Variants in WDFY3 observed in about 807,000 individuals in gnomAD.
The protein encoded by WDFY3 is WD repeat and FYVE domain-containing protein 3.
A neutral mutation model predicts 409.6 loss-of-function variants in WDFY3; 66 were observed. The observed-to-expected ratio is 0.16, with a 90% CI of 0.13 to 0.20. The LOEUF (loss-of-function observed/expected upper bound fraction) is 0.20, where lower values mean the gene tolerates loss of function less well. Ranked by LOEUF, WDFY3 falls within the 10% of genes least tolerant of loss-of-function variation. The pLI is 1.00. For synonymous variants in WDFY3, 1,521 were observed against 1,537.1 expected (o/e 0.99, Z 0.25); for missense variants, 3,031 against 4,298.1 (o/e 0.71, Z 8.24).
chr4:84,690,290 A>G (rs1319415948), intron 61 of WDFY3, among the ~76,000 whole-genome samples: 1 of 152,176 alleles, frequency 6.6e-6, no homozygotes, highest in Non-Finnish European at 1.5e-5. Context: ...CTTTCTTCAG[A>G]TTTTAACAAA....
intron 62 of WDFY3, among the ~76,000 whole-genome samples, chr4:84,687,086 C>A (rs1728452619): frequency 6.6e-6 from 1 of 152,100 alleles, no homozygotes; most frequent in African/African-American, 2.4e-5. Context: ...CAAATGTCAC[C>A]CTTTTTACTT....
intron 8 of WDFY3, among the ~76,000 whole-genome samples, chr4:84,829,693 G>C (rs543815730): frequency 1.6e-4 from 25 of 152,028 alleles, no homozygotes; most frequent in African/African-American, 6.0e-4. Flanking sequence ...TGTAGTCCCA[G>C]CTACTCGGGA....
At chr4:84,736,418 C>T in intron 41 of WDFY3, 91 bp from the exon 42 acceptor site, 1 of 1,179,914 alleles carries the variant, frequency 8.5e-7, no homozygotes, top group South Asian at 2.2e-5. Context: ...AACTACAACC[C>T]TGTAGTTAAC....
intron 5 of WDFY3, among the ~76,000 whole-genome samples, chr4:84,846,533 T>C (rs1560910834): frequency 1.3e-5 from 2 of 150,582 alleles, no homozygotes; most frequent in African/African-American, 4.9e-5. Flanking sequence ...TCTACAAACA[T>C]GCAGATTAGG....
chr4:84,889,663 C>G (rs1435011881), intron 3 of WDFY3, among the ~76,000 whole-genome samples: 1 of 152,088 alleles, frequency 6.6e-6, no homozygotes, highest in Non-Finnish European at 1.5e-5. Context: ...ATCTATGTGA[C>G]GTCAGGAAAA....
At chr4:84,811,407 C>A (rs1752471074) in intron 13 of WDFY3, among the ~76,000 whole-genome samples, 3 of 152,190 alleles carry the variant, frequency 2.0e-5, no homozygotes. Context: ...TTAATCCTTT[C>A]AACAATCCTA....
chr4:84,965,466 T>C (rs1579323311), intron 1 of WDFY3, among the ~76,000 whole-genome samples: 1 of 152,310 alleles, frequency 6.6e-6, no homozygotes, highest in East Asian at 1.9e-4. Flanking sequence ...GAAGACCTGA[T>C]ATTGCAGATC....
intron 4 of WDFY3, among the ~76,000 whole-genome samples, chr4:84,856,911 G>C (rs1162515914): frequency 6.6e-6 from 1 of 152,008 alleles, no homozygotes; most frequent in Non-Finnish European, 1.5e-5. Context: ...CAATGTTCAA[G>C]CACAAACGGC....
At chr4:84,825,306 T>C (rs958199722) in intron 10 of WDFY3, among the ~76,000 whole-genome samples, 4 of 151,498 alleles carry the variant, frequency 2.6e-5, no homozygotes, top group Non-Finnish European at 5.9e-5. Flanking sequence ...GATTTAACTG[T>C]AGAATGATCA....
rs374429118 is a variant in WDFY3, at chr4:84,775,047, G to A, written c.4592+18C>T. ...TTTCTATAGCTGAATAATTAACTAC[G>A]TGGGTATTAATTAATACCTGGACTC... On this transcript the variant is annotated intron_variant, in intron 28 of 67. Coordinates refer to ENST00000295888, the MANE Select transcript of WDFY3 (RefSeq NM_014991.6). 5 of 1,612,038 alleles carry A rather than the reference G, an allele frequency of 3.1e-6. No homozygotes were observed. In the African/African-American group the frequency reaches 4.0e-5, roughly 13 times the overall value.
rs113221531 is a variant in WDFY3, at chr4:84,775,090, A to C, written c.4567T>G (p.Phe1523Val). 4 of 1,613,776 alleles carry C rather than the reference A, an allele frequency of 2.5e-6. No homozygotes were observed. The highest frequency in any genetic ancestry group is 2.2e-5 in the East Asian group (1 of 44,848). ...YELHLSLFEH[F>V]IELLTESSEA... is the part of the protein sequence containing the mutation. ...CTGGACTCTGTGAGCAGTTCAATAAAGTGTTCAAATAAGGAAAGATGAAGT... is the reference window on the plus strand; with the variant it reads ...CTGGACTCTGTGAGCAGTTCAATAACGTGTTCAAATAAGGAAAGATGAAGT... The change falls in exon 28 of 68, where the codon TTT becomes GTT. Residue 1523 changes from phenylalanine to valine, a missense_variant. Transcript: ENST00000295888.
In WDFY3 at chr4:84,821,404, T is replaced by A; in HGVS notation, c.1271A>T (p.Gln424Leu). The A allele has an allele frequency of 6.2e-7, 1 of 1,613,956 alleles. No homozygotes were observed. The highest frequency in any genetic ancestry group is 8.5e-7 in the Non-Finnish European group (1 of 1,179,894). Residue 424 changes from glutamine to leucine, a missense_variant, in exon 11 of 68, where the codon CAG becomes CTG. Around this residue, in one of 16 missense-constraint regions of WDFY3, gnomAD observed 1,322 missense variants for 1,697.9 expected, o/e 0.78. Transcript: ENST00000295888. ...DNANYFILES[Q>L]HTLSQFAEKI... Reference sequence around the variant, plus strand: ...CTCTGCAAACTGTGACAATGTGTGCTGTGACTCTAGGATGAAGTAATTGGC... The same window carrying A: ...CTCTGCAAACTGTGACAATGTGTGCAGTGACTCTAGGATGAAGTAATTGGC...
intron 60 of WDFY3, among the ~76,000 whole-genome samples, chr4:84,690,881 A>G (rs976780073): frequency 2.1e-4 from 32 of 152,178 alleles, no homozygotes; most frequent in African/African-American, 7.7e-4. Context: ...AGCCATAACC[A>G]AAAAGGACTT....
chr4:84,852,933 T>C (rs902364529), intron 4 of WDFY3, among the ~76,000 whole-genome samples: 1 of 152,088 alleles, frequency 6.6e-6, no homozygotes, highest in Non-Finnish European at 1.5e-5. Context: ...GATTTTTGTA[T>C]TTTTTGTAGA....
intron 62 of WDFY3, among the ~76,000 whole-genome samples, chr4:84,686,443 T>C (rs74446904): frequency 1.5e-3 from 221 of 152,348 alleles, no homozygotes; most frequent in African/African-American, 4.9e-3. Flanking sequence ...CTCTAAGTGA[T>C]TGACAACTGT....
In WDFY3 at chr4:84,721,676, T is replaced by C. The variant is rs1734877213; in HGVS notation, c.7442-104A>G. 5.0e-6 allele frequency: 7 copies of C among 1,398,552 alleles called. No individual in the cohort carries two copies. In the South Asian group the frequency reaches 7.0e-5, roughly 14 times the overall value. The allele number at this position is 1,398,552 out of a possible 1,614,324, so 86.6% of individuals were successfully genotyped here. A position where few individuals can be genotyped will look rare whatever the true frequency, so the allele number is the denominator to read the frequency against. ...TCTATAGATTTCCAATTTGAGACAATTTTGGAAGGTATAGGGAGGTAGCAC... is the reference window on the plus strand; with the variant it reads ...TCTATAGATTTCCAATTTGAGACAACTTTGGAAGGTATAGGGAGGTAGCAC... On this transcript the variant is annotated intron_variant, in intron 46 of 67. Coordinates refer to ENST00000295888, the MANE Select transcript of WDFY3 (RefSeq NM_014991.6).
intron 19 of WDFY3, among the ~76,000 whole-genome samples, chr4:84,795,717 G>A (rs922805476): frequency 9.2e-5 from 14 of 151,658 alleles, no homozygotes; most frequent in African/African-American, 2.9e-4. Context: ...AGCCAAGATC[G>A]CGCCATTGCA....
chr4:84,928,278 C>T (rs1561095702), intron 2 of WDFY3, among the ~76,000 whole-genome samples: 1 of 152,136 alleles, frequency 6.6e-6, no homozygotes, highest in Non-Finnish European at 1.5e-5. Flanking sequence ...CTCGAGCCCT[C>T]GGCCTTGGAC....
chr4:84,891,013 T>C (rs1764876951), intron 3 of WDFY3, among the ~76,000 whole-genome samples: 1 of 152,182 alleles, frequency 6.6e-6, no homozygotes, highest in African/African-American at 2.4e-5. Context: ...TTTTCAAATA[T>C]TTAAAAATAT....
Sources: allele counts gnomAD v4.1 joint callset (sites outside exome capture counted in the v4.1 genomes callset), GRCh38; gene constraint gnomAD v4.1.1; regional missense constraint gnomAD v4.1.1; transcripts MANE v1.5; gene names NCBI Gene and HGNC (gene_info 2026-07-23, HGNC 2026-07-21).